The following KCNIP1 variants were observed in gnomAD, a reference collection of about 807,000 sequenced individuals.
The protein encoded by KCNIP1 is A-type potassium channel modulatory protein KCNIP1.
In KCNIP1, 18 loss-of-function variants were observed where a neutral mutation model predicts 33.0. That is an observed-to-expected ratio of 0.55 (90% confidence interval 0.38 to 0.81). The LOEUF (loss-of-function observed/expected upper bound fraction) is 0.81, where lower values mean the gene tolerates loss of function less well. KCNIP1 is among the 30% of genes least tolerant of loss of function. KCNIP1 has a pLI of 0.00. For missense variants in KCNIP1, 238 were observed against 271.6 expected, an observed-to-expected ratio of 0.88 and a Z score of 0.87; for synonymous variants, 93 against 98.3, an observed-to-expected ratio of 0.95 and a Z score of 0.32.
intron 1 of KCNIP1, among the ~76,000 whole-genome samples, chr5:170,572,693 T>C (rs4867614): frequency 0.41 from 62,083 of 152,138 alleles, 13,572 homozygotes; most frequent in Admixed American, 0.49. Context: ...AGGACTCTGC[T>C]GCTGGAACAA....
chr5:170,356,216 CTTATTCA>C (rs764979448), intron 1 of KCNIP1, among the ~76,000 whole-genome samples: 12 of 152,230 alleles, frequency 7.9e-5, no homozygotes, highest in Non-Finnish European at 1.6e-4. Context: ...TTTGATTTCA[CTTATTCA>C]TTATTCATTG....
intron 1 of KCNIP1, among the ~76,000 whole-genome samples, chr5:170,477,001 T>A (rs1037765213): frequency 2.6e-5 from 4 of 152,160 alleles, no homozygotes; most frequent in Non-Finnish European, 5.9e-5. Flanking sequence ...CAGATTGTAA[T>A]AAATGCACCG....
chr5:170,730,919 T>C (rs1764171793), intron 5 of KCNIP1, among the ~76,000 whole-genome samples: 1 of 151,852 alleles, frequency 6.6e-6, no homozygotes, highest in Admixed American at 6.6e-5. Context: ...AATTAAAAAT[T>C]ATTAAGTACT....
intron 1 of KCNIP1, among the ~76,000 whole-genome samples, chr5:170,551,124 CTACTT>C (rs1031334409): frequency 1.3e-5 from 2 of 152,134 alleles, no homozygotes; most frequent in African/African-American, 2.4e-5. Context: ...GTGTTCTTCT[CTACTT>C]GTGTTTTCTC....
chr5:170,559,857 C>T (rs1756971636), intron 1 of KCNIP1, among the ~76,000 whole-genome samples: 1 of 152,212 alleles, frequency 6.6e-6, no homozygotes, highest in Admixed American at 6.5e-5. Context: ...GCTGCAGGCT[C>T]CTCAGCCTGA....
In KCNIP1 at chr5:170,497,106, C is replaced by T. The variant is rs562528200; in HGVS notation, c.88+143142C>T. On this transcript the variant is annotated intron_variant, in intron 1 of 7. Coordinates refer to the KCNIP1 transcript ENST00000377360. ...AGGGAGCATCAACCTCTGCAGAGAGCCCCAGAGCCCTGCTCAGGTGTGATG... is the reference window on the plus strand; with the variant it reads ...AGGGAGCATCAACCTCTGCAGAGAGTCCCAGAGCCCTGCTCAGGTGTGATG... 2.6e-5 allele frequency among the ~76,000 whole-genome samples: 4 copies of T among 152,278 alleles called. No individual in the cohort carries two copies. The East Asian group carries it at 7.7e-4, about 29-fold the overall frequency.
rs187493627 is a variant in KCNIP1, at chr5:170,721,925, T to C, written c.327+22T>C. 4.0e-5 allele frequency: 64 copies of C among 1,613,596 alleles called. No individual in the cohort carries two copies. In the East Asian group the frequency reaches 8.5e-4, roughly 21 times the overall value. On this transcript the variant is annotated intron_variant, in intron 4 of 7. Coordinates refer to ENST00000328939, the MANE Select transcript of KCNIP1 (RefSeq NM_014592.4). ...CGAGGTACGCTCATCTGGGGTCCAC[T>C]CTAGGGGTCCTCTGGTTCTGCATCA...
intron 1 of KCNIP1, among the ~76,000 whole-genome samples, chr5:170,381,474 C>A (rs779078881): frequency 7.2e-5 from 11 of 152,154 alleles, no homozygotes; most frequent in Admixed American, 4.6e-4. Context: ...CAGAGGACAC[C>A]CAGCTAGCCT....
chr5:170,444,289 C>T (rs989034714), intron 1 of KCNIP1, among the ~76,000 whole-genome samples: 1 of 152,100 alleles, frequency 6.6e-6, no homozygotes, highest in African/African-American at 2.4e-5. Context: ...AGAGGCTGAC[C>T]CCATTCTTTG....
intron 1 of KCNIP1, chr5:170,642,186 C>T (rs2292146): frequency 0.65 from 99,483 of 152,320 alleles, 33,831 homozygotes; most frequent in African/African-American, 0.85. Flanking sequence ...CATCCACCTG[C>T]GTGCGCATCC....
At chr5:170,371,522 T>C (rs1286430535) in intron 1 of KCNIP1, among the ~76,000 whole-genome samples, 1 of 152,220 alleles carries the variant, frequency 6.6e-6, no homozygotes, top group Non-Finnish European at 1.5e-5. Flanking sequence ...CAATACCACC[T>C]AGATTTGAAT....
At chr5:170,503,711 G>GCACGCACGCACATCACACACACACACACA (rs1561655151), upstream of KCNIP1, among the ~76,000 whole-genome samples, 10 of 135,900 alleles carry the variant, frequency 7.4e-5, no homozygotes, top group Admixed American at 1.5e-4. Context: ...ACACACACAC[G>GCACGCACGCACATCACACACACACACACA]CACGCACGCA....
intron 1 of KCNIP1, among the ~76,000 whole-genome samples, chr5:170,598,931 G>GTGTGTA (rs1453011539): frequency 6.6e-6 from 1 of 151,656 alleles, no homozygotes; most frequent in Non-Finnish European, 1.5e-5. Context: ...GTGTGTGTGT[G>GTGTGTA]TGTGTGTGTG....
intron 1 of KCNIP1, among the ~76,000 whole-genome samples, chr5:170,712,008 G>A (rs1208158874): frequency 2.6e-5 from 4 of 152,086 alleles, no homozygotes; most frequent in Non-Finnish European, 4.4e-5. Flanking sequence ...CAAGACAGGC[G>A]GAAGTTCAAA....
intron 1 of KCNIP1, among the ~76,000 whole-genome samples, chr5:170,623,740 C>T (rs1332051930): frequency 1.3e-5 from 2 of 152,172 alleles, no homozygotes; most frequent in Non-Finnish European, 2.9e-5. Context: ...GGCGTGACGG[C>T]GCTGCCCCCT....
At chr5:170,385,945 C>T (rs187342355) in intron 1 of KCNIP1, among the ~76,000 whole-genome samples, 1 of 151,628 alleles carries the variant, frequency 6.6e-6, no homozygotes, top group East Asian at 1.9e-4. Flanking sequence ...TGGTGAAACC[C>T]CATCTCTACT....
chr5:170,673,603 C>G (rs1762007027), intron 1 of KCNIP1, among the ~76,000 whole-genome samples: 1 of 152,198 alleles, frequency 6.6e-6, no homozygotes, highest in Non-Finnish European at 1.5e-5. Flanking sequence ...GGCTCTGATA[C>G]TATCTTGTAC....
At chr5:170,606,355 T>C (rs1374026706) in intron 1 of KCNIP1, among the ~76,000 whole-genome samples, 1 of 152,172 alleles carries the variant, frequency 6.6e-6, no homozygotes, top group African/African-American at 2.4e-5. Context: ...CATTGTACGA[T>C]CCCTCAAGCA....
chr5:170,474,091 T>C (rs1581224595), intron 1 of KCNIP1, among the ~76,000 whole-genome samples: 1 of 152,234 alleles, frequency 6.6e-6, no homozygotes, highest in East Asian at 1.9e-4. Flanking sequence ...GGAGTAGCTC[T>C]GAAAAGCTGT....
Sources: allele counts gnomAD v4.1 joint callset (sites outside exome capture counted in the v4.1 genomes callset), GRCh38; gene constraint gnomAD v4.1.1; transcripts MANE v1.5; gene names NCBI Gene and HGNC (gene_info 2026-07-23, HGNC 2026-07-21).